CTSC: variants seen among roughly 807,000 people sequenced by gnomAD.
The protein encoded by CTSC is dipeptidyl peptidase 1.
In CTSC, 37 loss-of-function variants were observed where a neutral mutation model predicts 40.9. The observed-to-expected ratio is 0.91, with a 90% CI of 0.70 to 1.19. The LOEUF (loss-of-function observed/expected upper bound fraction) is 1.19, where lower values mean the gene tolerates loss of function less well. Ranked by LOEUF, CTSC falls within the 50% of genes most tolerant of loss-of-function variation. The pLI, the probability that CTSC is intolerant of heterozygous loss-of-function variation, is 0.00. For missense variants in CTSC, 594 were observed against 567.3 expected (o/e 1.05, Z -0.48); for synonymous variants, 232 against 207.4 (o/e 1.12, Z -1.02).
intron 5 of CTSC, chr11:88,296,482 C>T (rs1944300772): frequency 4.0e-6 from 2 of 498,628 alleles, no homozygotes; most frequent in South Asian, 2.0e-5. Context: ...AACATTAGTA[C>T]ATGGGACTTT....
chr11:88,301,390 G>A (rs751872430), intron 4 of CTSC, among the ~76,000 whole-genome samples: 1 of 152,070 alleles, frequency 6.6e-6, no homozygotes, highest in Admixed American at 6.5e-5. Flanking sequence ...ACCTCTAGAC[G>A]GTATTGAAAC....
At chr11:88,306,385 A>T (rs1937632311) in intron 4 of CTSC, among the ~76,000 whole-genome samples, 1 of 152,266 alleles carries the variant, frequency 6.6e-6, no homozygotes, top group African/African-American at 2.4e-5. Flanking sequence ...AAGAGAAGAC[A>T]GGCATTTCTG....
chr11:88,302,390 G>A (rs1026818677), intron 4 of CTSC, among the ~76,000 whole-genome samples: 6 of 152,092 alleles, frequency 3.9e-5, no homozygotes, highest in African/African-American at 1.2e-4. Flanking sequence ...TTGGGAGGCC[G>A]AGGCGGGCGG....
intron 2 of CTSC, among the ~76,000 whole-genome samples, chr11:88,328,470 G>A (rs1038570583): frequency 8.5e-5 from 13 of 152,070 alleles, no homozygotes; most frequent in African/African-American, 3.1e-4. Flanking sequence ...AACCCAGAAG[G>A]CTCAGTGAAA....
intron 2 of CTSC, chr11:88,321,770 T>G (rs983728616): frequency 6.6e-6 from 1 of 152,224 alleles, no homozygotes; most frequent in Non-Finnish European, 1.5e-5. Flanking sequence ...TGTAATAGAA[T>G]GATTTCTATT....
intron 5 of CTSC, 28 bp downstream of exon 5, chr11:88,300,502 A>G: frequency 7.2e-7 from 1 of 1,384,858 alleles, no homozygotes; most frequent in Non-Finnish European, 1.0e-6. Flanking sequence ...CAAACAAATT[A>G]ACAAAAAACT....
chr11:88,324,517 G>T (rs1014314464), intron 2 of CTSC: 32 of 980,924 alleles, frequency 3.3e-5, no homozygotes, highest in South Asian at 9.5e-5. Context: ...TTAATTCTTT[G>T]TAAGTTGGTA....
Position 88,326,153 on chromosome 11 carries a change from AT to A in CTSC, c.318+8783del, listed in dbSNP as rs368047543. 3.1e-4 allele frequency: 410 copies of A among 1,303,844 alleles called. 4 individuals carry two copies. In the African/African-American group the frequency reaches 4.1e-3, roughly 13 times the overall value. 80.8% of individuals were successfully genotyped at this position (1,303,844 alleles called of 1,614,324 possible). A position where few individuals can be genotyped will look rare whatever the true frequency, so the allele number is the denominator to read the frequency against. On this transcript the variant is annotated intron_variant, in intron 2 of 6. Coordinates refer to ENST00000227266, the MANE Select transcript of CTSC (RefSeq NM_001814.6). ...CCACCCAAGATTTTGCATCTTCAGA[AT>A]TTTTTTTTCCTTTCTCCTGTGTAGT...
At chr11:88,326,280 T>C in intron 2 of CTSC, 1 of 1,595,020 alleles carries the variant, frequency 6.3e-7, no homozygotes, top group Non-Finnish European at 8.5e-7. Flanking sequence ...CCTTTGCATT[T>C]TGCATGCAAA....
intron 2 of CTSC, among the ~76,000 whole-genome samples, chr11:88,332,526 T>A (rs1396829672): frequency 6.6e-6 from 1 of 152,226 alleles, no homozygotes; most frequent in Non-Finnish European, 1.5e-5. Context: ...TAAACTCTGT[T>A]TCCCATCACT....
rs778236403 is a variant in CTSC, at chr11:88,309,231, CATGTATG to C, written c.566_572del (p.Thr189ArgfsTer11). ...CTCCCAGGGTAAGAGTCTCATATTC[CATGTATG>C]TAGTTGCAGTCCAAGACTTCTGAAT... On this transcript the variant is annotated frameshift_variant, in exon 4 of 7. Transcript: ENST00000227266. LOFTEE classifies it high-confidence loss of function. 1.6e-5 allele frequency: 26 copies of C among 1,613,742 alleles called. No homozygotes were observed. Among genetic ancestry groups the C allele is most frequent in the Non-Finnish European group, 2.2e-5 (26 of 1,179,788 alleles).
chr11:88,304,283 T>G (rs1483117822), intron 4 of CTSC, among the ~76,000 whole-genome samples: 2 of 152,170 alleles, frequency 1.3e-5, no homozygotes, highest in African/African-American at 4.8e-5. Flanking sequence ...GGGTAACAAG[T>G]GCTTAGAACA....
At chr11:88,298,600 C>G (rs1944323335) in intron 5 of CTSC, 1 of 152,046 alleles carries the variant, frequency 6.6e-6, no homozygotes, top group Admixed American at 6.6e-5. Context: ...ACTTTTTTCC[C>G]CAACTTACAG....
At chr11:88,302,882 C>T (rs1009122753) in intron 4 of CTSC, among the ~76,000 whole-genome samples, 3 of 151,994 alleles carry the variant, frequency 2.0e-5, no homozygotes, top group African/African-American at 7.3e-5. Flanking sequence ...ACATAATATA[C>T]ACAAAGATTA....
intron 4 of CTSC, among the ~76,000 whole-genome samples, chr11:88,308,543 C>A (rs899240474): frequency 1.3e-5 from 2 of 151,464 alleles, no homozygotes; most frequent in Non-Finnish European, 2.9e-5. Flanking sequence ...ATGTCTGACA[C>A]CCGTGGTTCT....
Position 88,337,685 on chromosome 11 carries a change from T to C in CTSC, c.-13A>G. The C allele has an allele frequency of 6.4e-7, 1 of 1,565,144 alleles. No homozygotes were observed. Among genetic ancestry groups the C allele is most frequent in the South Asian group, 1.2e-5 (1 of 85,112 alleles). On this transcript the variant is annotated 5_prime_UTR_variant, in exon 1 of 7. Transcript: ENST00000227266. Reference sequence around the variant, plus strand: ...GCCCAGCACCCATGCTGCAGGGAGCTGAGAAAAGAGGTGAAGAATTACCAG... The same window carrying C: ...GCCCAGCACCCATGCTGCAGGGAGCCGAGAAAAGAGGTGAAGAATTACCAG...
intron 2 of CTSC, 46 bp from the exon 3 acceptor site, chr11:88,312,600 A>G: frequency 6.2e-7 from 1 of 1,608,616 alleles, no homozygotes; most frequent in Non-Finnish European, 8.5e-7. Flanking sequence ...ATCTGTCTTC[A>G]AATTTCAGGT....
In CTSC at chr11:88,337,701, G is replaced by A. The variant is rs751587009; in HGVS notation, c.-29C>T. On this transcript the variant is annotated 5_prime_UTR_variant, in exon 1 of 7. Transcript: ENST00000227266. ...GCAGGGAGCTGAGAAAAGAGGTGAA[G>A]AATTACCAGGAAGCCGAGCGCTGCG... The A allele has an allele frequency of 4.5e-6, 7 of 1,554,508 alleles. No individual in the cohort carries two copies. The highest frequency in any genetic ancestry group is 2.7e-5 in the African/African-American group (2 of 73,258).
At chr11:88,332,401 C>A (rs780603041) in intron 2 of CTSC, among the ~76,000 whole-genome samples, 7 of 152,152 alleles carry the variant, frequency 4.6e-5, no homozygotes, top group Non-Finnish European at 7.3e-5. Context: ...GCAGGAAATA[C>A]CCTGATGCTT....
Sources: gnomAD v4.1 joint callset for allele counts (sites outside exome capture counted in the v4.1 genomes callset) on GRCh38, gnomAD v4.1.1 for gene constraint, MANE v1.5 for transcripts, NCBI Gene and HGNC (gene_info 2026-07-23, HGNC 2026-07-21) for gene names.